MAD1L1: variants seen among roughly 807,000 people sequenced by gnomAD.
The protein encoded by MAD1L1 is mitotic arrest deficient 1 like 1.
In MAD1L1, 95 loss-of-function variants were observed where a neutral mutation model predicts 96.9. That is an observed-to-expected ratio of 0.98 (90% CI 0.83 to 1.16). The LOEUF is 1.16. MAD1L1 is among the 50% of genes most tolerant of loss of function. MAD1L1 has a pLI of 0.00. For missense variants in MAD1L1, 1,007 were observed against 954.4 expected (o/e 1.06, Z -0.73); for synonymous variants, 473 against 396.6 (o/e 1.19, Z -2.29).
intron 18 of MAD1L1, among the ~76,000 whole-genome samples, chr7:1,860,804 C>T (rs1452274483): frequency 6.6e-6 from 1 of 152,200 alleles, no homozygotes; most frequent in Non-Finnish European, 1.5e-5. Flanking sequence ...GAAGGGATGC[C>T]GTGAGCATCC....
chr7:2,195,931 T>G (rs1036195981), intron 10 of MAD1L1, among the ~76,000 whole-genome samples: 7 of 152,230 alleles, frequency 4.6e-5, no homozygotes, highest in African/African-American at 1.7e-4. Flanking sequence ...ATGTGCTGAG[T>G]TCCGCTCAGG....
Position 1,898,318 on chromosome 7 carries a change from T to TA in MAD1L1, c.1879_1880insT (p.Gln627LeufsTer134). 1 of 1,614,130 alleles carries TA rather than the reference T, an allele frequency of 6.2e-7. No homozygotes were observed. Among genetic ancestry groups the TA allele is most frequent in the Non-Finnish European group, 8.5e-7 (1 of 1,180,028 alleles). The stretch of plus-strand genomic sequence containing the variant: ...CGTGTAGCAGGCCTTGCGGAACTCC[T>TA]GGATCTTGGTCTGGAAAACCTCCTT... On this transcript the variant is annotated frameshift_variant, in exon 18 of 19. Coordinates refer to ENST00000265854, the MANE Select transcript of MAD1L1 (RefSeq NM_001013836.2). LOFTEE classifies it high-confidence loss of function.
intron 10 of MAD1L1, among the ~76,000 whole-genome samples, chr7:2,184,477 C>A (rs1791364010): frequency 6.6e-6 from 1 of 152,092 alleles, no homozygotes; most frequent in Admixed American, 6.6e-5. Context: ...ATCATACCAC[C>A]ACCTTGGAAG....
chr7:1,915,330 G>C (rs965528612), intron 17 of MAD1L1, among the ~76,000 whole-genome samples: 1 of 152,170 alleles, frequency 6.6e-6, no homozygotes, highest in Non-Finnish European at 1.5e-5. Context: ...GGGAGGGGGA[G>C]GGCTGCGGTC....
chr7:1,819,249 G>A (rs1781995375), intron 18 of MAD1L1, among the ~76,000 whole-genome samples: 2 of 152,188 alleles, frequency 1.3e-5, no homozygotes, highest in Non-Finnish European at 2.9e-5. Context: ...CACGTTGGCT[G>A]TGGCTGGAAA....
At chr7:2,098,615 C>A (rs1227150655) in intron 11 of MAD1L1, among the ~76,000 whole-genome samples, 1 of 152,196 alleles carries the variant, frequency 6.6e-6, no homozygotes, top group African/African-American at 2.4e-5. Context: ...GGGAGCACAG[C>A]ACGGCAGACA....
chr7:2,189,440 T>G (rs529067584), intron 10 of MAD1L1, among the ~76,000 whole-genome samples: 1 of 152,224 alleles, frequency 6.6e-6, no homozygotes, highest in African/African-American at 2.4e-5. Flanking sequence ...CGTCTATCCA[T>G]ACAACAGAAT....
chr7:2,173,302 C>T (rs1790796549), intron 10 of MAD1L1, among the ~76,000 whole-genome samples: 1 of 152,148 alleles, frequency 6.6e-6, no homozygotes, highest in Admixed American at 6.5e-5. Context: ...TCCCACCACC[C>T]CTCTGCCGCC....
intron 12 of MAD1L1, among the ~76,000 whole-genome samples, chr7:2,026,025 G>A (rs879832057): frequency 1.3e-4 from 20 of 152,032 alleles, no homozygotes; most frequent in African/African-American, 1.7e-4. Flanking sequence ...TAAATATTTC[G>A]ACTAAGAAAT....
At position 1,832,733 on chromosome 7, in the gene MAD1L1, G is replaced by C. The variant is rs1335775132; in HGVS notation, c.1999-16505C>G. Reference sequence around the variant, plus strand: ...TGCAACCTCCACCTCCCAGGTTCAAGCGATTTTCATGCCTCAGCCTCCCAA... The same window carrying C: ...TGCAACCTCCACCTCCCAGGTTCAACCGATTTTCATGCCTCAGCCTCCCAA... On this transcript the variant is annotated intron_variant, in intron 18 of 18. Transcript: ENST00000265854. Among the ~76,000 whole-genome samples the C allele has an allele frequency of 8.4e-5, 8 of 94,696 alleles. 1 individual carries two copies. The highest frequency in any genetic ancestry group is 1.1e-4 in the Admixed American group (1 of 8,808). 62.1% of individuals were successfully genotyped at this position (94,696 alleles called of 152,430 possible). A position where few individuals can be genotyped will look rare whatever the true frequency, so the allele number is the denominator to read the frequency against.
intron 11 of MAD1L1, among the ~76,000 whole-genome samples, chr7:2,113,577 C>T (rs888554908): frequency 6.6e-6 from 1 of 152,064 alleles, no homozygotes; most frequent in African/African-American, 2.4e-5. Flanking sequence ...GAGACTCTAT[C>T]TCAAAAAAAT....
At chr7:1,901,577 C>T (rs963832454) in intron 17 of MAD1L1, among the ~76,000 whole-genome samples, 1 of 152,262 alleles carries the variant, frequency 6.6e-6, no homozygotes, top group Non-Finnish European at 1.5e-5. Flanking sequence ...TCAGCGCTCC[C>T]ATCCCCTGCC....
chr7:2,140,746 A>C (rs776051683), intron 11 of MAD1L1, among the ~76,000 whole-genome samples: 21 of 152,242 alleles, frequency 1.4e-4, no homozygotes, highest in Non-Finnish European at 2.8e-4. Context: ...CATGCCAGAA[A>C]GGGCGGCTCC....
chr7:1,855,423 C>T (rs1036667467), intron 18 of MAD1L1, among the ~76,000 whole-genome samples: 8 of 152,090 alleles, frequency 5.3e-5, no homozygotes, highest in African/African-American at 1.7e-4. Flanking sequence ...CCCTCTGTGC[C>T]CGCATCTGAC....
chr7:2,049,999 C>T (rs1287471365), intron 12 of MAD1L1, among the ~76,000 whole-genome samples: 1 of 150,228 alleles, frequency 6.7e-6, no homozygotes, highest in African/African-American at 2.5e-5. Flanking sequence ...GGGCACCTCA[C>T]CCAGCGTCTG....
At chr7:1,931,947 A>G (rs1460528511) in intron 17 of MAD1L1, among the ~76,000 whole-genome samples, 1 of 152,218 alleles carries the variant, frequency 6.6e-6, no homozygotes, top group African/African-American at 2.4e-5. Context: ...CAGCAAACCT[A>G]AAACCTGAGA....
chr7:1,866,035 T>C (rs1252243309), intron 18 of MAD1L1, among the ~76,000 whole-genome samples: 1 of 152,198 alleles, frequency 6.6e-6, no homozygotes, highest in Non-Finnish European at 1.5e-5. Context: ...ATGCTGGTTT[T>C]GAAGCAAAAC....
At chr7:2,060,446 CGATGCCGAGATAACGCT>C (rs949932004) in intron 12 of MAD1L1, among the ~76,000 whole-genome samples, 1 of 152,076 alleles carries the variant, frequency 6.6e-6, no homozygotes, top group Non-Finnish European at 1.5e-5. Flanking sequence ...GAGATAACGC[CGATGCCGAGATAACGCT>C]GATGTCGAGA....
At chr7:1,929,585 G>C (rs1011322621) in intron 17 of MAD1L1, among the ~76,000 whole-genome samples, 1 of 152,108 alleles carries the variant, frequency 6.6e-6, no homozygotes, top group South Asian at 2.1e-4. Flanking sequence ...CCCGAGAGCA[G>C]GGGCCTCTTT....
Sources: gnomAD v4.1 joint callset for allele counts (sites outside exome capture counted in the v4.1 genomes callset) on GRCh38, gnomAD v4.1.1 for gene constraint, MANE v1.5 for transcripts, NCBI Gene and HGNC (gene_info 2026-07-23, HGNC 2026-07-21) for gene names.